Variants in GFRAL observed in about 807,000 individuals in gnomAD.
GFRAL encodes GDNF family receptor alpha like, also known as GDNF family receptor alpha-like.
A neutral mutation model predicts 45.4 loss-of-function variants in GFRAL; 36 were observed. That is an observed-to-expected ratio of 0.79 (90% confidence interval 0.61 to 1.05). The LOEUF (loss-of-function observed/expected upper bound fraction) is 1.05. Ranked by LOEUF, GFRAL falls within the 50% of genes least tolerant of loss-of-function variation. The pLI, the probability that GFRAL is intolerant of heterozygous loss-of-function variation, is 0.00. For synonymous variants in GFRAL, 166 were observed against 154.1 expected, an observed-to-expected ratio of 1.08 and a Z score of -0.57; for missense variants, 507 against 467.5, an observed-to-expected ratio of 1.08 and a Z score of -0.78.
intron 3 of GFRAL, among the ~76,000 whole-genome samples, chr6:55,340,697 A>C (rs1313131861): frequency 1.3e-5 from 2 of 152,100 alleles, no homozygotes; most frequent in Non-Finnish European, 1.5e-5. Flanking sequence ...GGTGCAGCCT[A>C]CTGAGCGTGA....
intron 8 of GFRAL, among the ~76,000 whole-genome samples, chr6:55,401,522 C>T (rs1270571439): frequency 6.6e-6 from 1 of 152,100 alleles, no homozygotes; most frequent in East Asian, 1.9e-4. Context: ...CCAGAGCCTT[C>T]AAAGAAGTTT....
chr6:55,345,620 G>A (rs137923355), intron 3 of GFRAL, among the ~76,000 whole-genome samples: 4 of 152,278 alleles, frequency 2.6e-5, no homozygotes, highest in African/African-American at 9.6e-5. Context: ...ATACCATTCA[G>A]GAGATAGGCA....
At chr6:55,336,031 A>G (rs190170201) in intron 3 of GFRAL, among the ~76,000 whole-genome samples, 11 of 152,084 alleles carry the variant, frequency 7.2e-5, no homozygotes, top group Admixed American at 5.2e-4. Context: ...TGCAGCCTCT[A>G]CCTCCTGGGT....
At chr6:55,349,060 G>A (rs80171914) in intron 3 of GFRAL, among the ~76,000 whole-genome samples, 2,771 of 152,100 alleles carry the variant, frequency 0.018, 92 homozygotes, top group African/African-American at 0.06. Flanking sequence ...TCAGAGAGGC[G>A]GGATGATGGG....
At chr6:55,328,580 A>G (rs902471720) in intron 1 of GFRAL, among the ~76,000 whole-genome samples, 1 of 151,630 alleles carries the variant, frequency 6.6e-6, no homozygotes, top group African/African-American at 2.4e-5. Flanking sequence ...TTCCTAAAAT[A>G]TTTTCTTATT....
intron 1 of GFRAL, 47 bp from the exon 2 acceptor site, chr6:55,331,668 G>C (rs753998649): frequency 1.3e-6 from 2 of 1,558,164 alleles, no homozygotes. Context: ...GAAGAAAATG[G>C]ATGCCAAATT....
chr6:55,343,253 C>T (rs554438008), intron 3 of GFRAL, among the ~76,000 whole-genome samples: 64 of 152,112 alleles, frequency 4.2e-4, no homozygotes, highest in Non-Finnish European at 1.9e-4. Flanking sequence ...CACACTTATT[C>T]GAAAATTGAC....
intron 3 of GFRAL, among the ~76,000 whole-genome samples, chr6:55,345,401 C>T (rs903893576): frequency 6.6e-6 from 1 of 152,302 alleles, no homozygotes; most frequent in Non-Finnish European, 1.5e-5. Flanking sequence ...ACATCTACAA[C>T]CATCTGATCT....
At chr6:55,328,227 A>G (rs1481531677) in intron 1 of GFRAL, among the ~76,000 whole-genome samples, 2 of 151,968 alleles carry the variant, frequency 1.3e-5, no homozygotes, top group Non-Finnish European at 2.9e-5. Context: ...TGTAGAATCC[A>G]TGAATCTATT....
At chr6:55,338,610 T>C (rs930373461) in intron 3 of GFRAL, among the ~76,000 whole-genome samples, 4 of 151,942 alleles carry the variant, frequency 2.6e-5, no homozygotes, top group Admixed American at 1.3e-4. Flanking sequence ...CTAGAAGCCA[T>C]AGAGTAAAAA....
chr6:55,381,588 G>T (rs1331229335), intron 6 of GFRAL, among the ~76,000 whole-genome samples: 1 of 151,866 alleles, frequency 6.6e-6, no homozygotes, highest in African/African-American at 2.4e-5. Flanking sequence ...ATATGGAGGT[G>T]CATGATACAT....
At chr6:55,392,454 C>T (rs1219064616) in intron 6 of GFRAL, among the ~76,000 whole-genome samples, 2 of 152,174 alleles carry the variant, frequency 1.3e-5, no homozygotes, top group Admixed American at 6.6e-5. Flanking sequence ...AATAAATGAT[C>T]CATGAATTCA....
chr6:55,373,258 C>G (rs1304749336), intron 6 of GFRAL, among the ~76,000 whole-genome samples: 1 of 152,042 alleles, frequency 6.6e-6, no homozygotes, highest in African/African-American at 2.4e-5. Context: ...CCTATTTTAT[C>G]CTCTGAAAGG....
chr6:55,393,456 A>G (rs548296477), intron 6 of GFRAL, among the ~76,000 whole-genome samples: 2 of 152,302 alleles, frequency 1.3e-5, no homozygotes, highest in South Asian at 4.1e-4. Flanking sequence ...CCCCTTGAAA[A>G]TAGAGAATGA....
chr6:55,351,388 C>T lies in GFRAL; in HGVS notation c.506C>T (p.Ala169Val), dbSNP rs777891851. The T allele has an allele frequency of 1.9e-6, 3 of 1,613,524 alleles. No individual in the cohort carries two copies. Among genetic ancestry groups the T allele is most frequent in the Non-Finnish European group, 2.5e-6 (3 of 1,179,712 alleles). The change falls in exon 5 of 9, where the codon GCA becomes GTA. Residue 169 changes from alanine (A) to valine (V), a missense_variant. Coordinates refer to ENST00000340465, the MANE Select transcript of GFRAL (RefSeq NM_207410.2). ...CCGTGTGATCTGAAACAGTGCCAAG[C>T]AGCCATACGGTTCTTCTATCAAAAT... ...GNPCDLKQCQ[A>V]AIRFFYQNIP... is the part of the protein sequence containing the mutation.
At chr6:55,350,193 A>C in intron 4 of GFRAL, 48 bp downstream of exon 4, 1 of 1,106,350 alleles carries the variant, frequency 9.0e-7, no homozygotes, top group Non-Finnish European at 1.4e-6. Flanking sequence ...AATACCTGAT[A>C]ATATAAAATG....
chr6:55,344,669 T>C (rs1306104465), intron 3 of GFRAL, among the ~76,000 whole-genome samples: 1 of 152,134 alleles, frequency 6.6e-6, no homozygotes, highest in Non-Finnish European at 1.5e-5. Context: ...CTATTCAACA[T>C]AGTGTTGGAA....
rs115390426 is a variant in GFRAL at position 55,385,647 on chromosome 6, C to T, written c.953-13533C>T. Among the ~76,000 whole-genome samples the T allele has an allele frequency of 7.4e-3, 1,120 of 152,044 alleles. 14 individuals are homozygous for T. Among genetic ancestry groups the T allele is most frequent in the African/African-American group, 0.025 (1,054 of 41,460 alleles). On this transcript the variant is annotated intron_variant, in intron 6 of 8. Coordinates refer to ENST00000340465, the MANE Select transcript of GFRAL (RefSeq NM_207410.2). The stretch of plus-strand genomic sequence containing the variant: ...TTTATTCACCATAATATACTGCTCT[C>T]GTCTAATGATATAAATCTTATAATT...
chr6:55,378,217 G>A (rs1372834484), intron 6 of GFRAL, among the ~76,000 whole-genome samples: 1 of 151,952 alleles, frequency 6.6e-6, no homozygotes, highest in Non-Finnish European at 1.5e-5. Flanking sequence ...GCACTCTTAG[G>A]TTGCAGCTGC....
Sources: gnomAD v4.1 joint callset for allele counts (sites outside exome capture counted in the v4.1 genomes callset) on GRCh38, gnomAD v4.1.1 for gene constraint, MANE v1.5 for transcripts, NCBI Gene and HGNC (gene_info 2026-07-23, HGNC 2026-07-21) for gene names.